ENTREP2: variants seen among roughly 807,000 people sequenced by gnomAD.
ENTREP2 encodes endosomal transmembrane epsin interactor 2.
the ENTREP2 span, among the ~76,000 whole-genome samples, chr15:29,490,214 G>A: frequency 1.5e-3 from 235 of 152,214 alleles, 1 homozygote; most frequent in Non-Finnish European, 2.5e-3. Context: ...TGTGGTGTTC[G>A]GACATGTTGG....
the ENTREP2 span, among the ~76,000 whole-genome samples, chr15:29,132,775 G>A: frequency 6.6e-6 from 1 of 152,214 alleles, no homozygotes; most frequent in Non-Finnish European, 1.5e-5. Flanking sequence ...AGGTCCAGAA[G>A]CTACTTCCAG....
At chr15:29,644,531 G>A in the ENTREP2 span, among the ~76,000 whole-genome samples, 10 of 152,238 alleles carry the variant, frequency 6.6e-5, no homozygotes, top group African/African-American at 2.4e-4. Flanking sequence ...GGCCGGGCGC[G>A]GTGGCCCACG....
At chr15:29,658,026 C>T in the ENTREP2 span, among the ~76,000 whole-genome samples, 1 of 152,206 alleles carries the variant, frequency 6.6e-6, no homozygotes, top group African/African-American at 2.4e-5. Context: ...ATGGGAAAAA[C>T]GTTAAAACAA....
the ENTREP2 span, among the ~76,000 whole-genome samples, chr15:29,542,111 C>T: frequency 6.6e-6 from 1 of 152,190 alleles, no homozygotes; most frequent in East Asian, 1.9e-4. Flanking sequence ...CAGGTTCAAG[C>T]AATTCTCCTG....
At chr15:29,608,554 TTTA>T in the ENTREP2 span, among the ~76,000 whole-genome samples, 3 of 140,628 alleles carry the variant, frequency 2.1e-5, no homozygotes, top group African/African-American at 7.9e-5. Context: ...TTATTATTTA[TTTA>T]TTATTATTAT....
At chr15:29,635,190 A>G in the ENTREP2 span, among the ~76,000 whole-genome samples, 7 of 152,226 alleles carry the variant, frequency 4.6e-5, no homozygotes, top group Admixed American at 6.5e-5. Context: ...ACCACTGGCC[A>G]TTGGTGATCA....
the ENTREP2 span, among the ~76,000 whole-genome samples, chr15:29,212,720 T>A: frequency 6.6e-6 from 1 of 152,216 alleles, no homozygotes; most frequent in Non-Finnish European, 1.5e-5. Flanking sequence ...ATTTTTTAAT[T>A]TCCATCTTGA....
the ENTREP2 span, among the ~76,000 whole-genome samples, chr15:29,176,803 TCTC>T: frequency 6.6e-6 from 1 of 152,200 alleles, no homozygotes; most frequent in Admixed American, 6.5e-5. Context: ...TTAATGCCCT[TCTC>T]CTCCTACTCT....
chr15:29,472,426 ACAAC>A, the ENTREP2 span, among the ~76,000 whole-genome samples: 1 of 115,980 alleles, frequency 8.6e-6, no homozygotes, highest in South Asian at 3.1e-4. Context: ...CACACAACAC[ACAAC>A]ACACACACAC....
At chr15:29,471,356 G>A in the ENTREP2 span, among the ~76,000 whole-genome samples, 3 of 152,344 alleles carry the variant, frequency 2.0e-5, no homozygotes, top group East Asian at 1.9e-4. Context: ...ACCACACAGC[G>A]GCCCCTCGAG....
the ENTREP2 span, among the ~76,000 whole-genome samples, chr15:29,639,398 C>T: frequency 6.6e-6 from 1 of 152,116 alleles, no homozygotes; most frequent in African/African-American, 2.4e-5. Context: ...GTGATTGAAG[C>T]ATTTATGCAA....
the ENTREP2 span, chr15:29,123,252 G>A: frequency 3.5e-5 from 47 of 1,362,102 alleles, no homozygotes; most frequent in Middle Eastern, 7.5e-4. Flanking sequence ...AGCTGGGCCT[G>A]AAGGCCTCTT....
the ENTREP2 span, among the ~76,000 whole-genome samples, chr15:29,433,099 G>A: frequency 1.3e-5 from 2 of 152,162 alleles, no homozygotes; most frequent in South Asian, 2.1e-4. Flanking sequence ...CATGAGCCAA[G>A]GAACCTGCCT....
the ENTREP2 span, among the ~76,000 whole-genome samples, chr15:29,423,529 T>G: frequency 6.6e-6 from 1 of 151,914 alleles, no homozygotes; most frequent in Admixed American, 6.6e-5. Context: ...GGCTCACGTC[T>G]GTAATCCCAG....
the ENTREP2 span, among the ~76,000 whole-genome samples, chr15:29,330,472 C>T: frequency 6.6e-6 from 1 of 151,870 alleles, no homozygotes; most frequent in Admixed American, 6.6e-5. Flanking sequence ...AAATAATGGT[C>T]TTTACCTCTC....
chr15:29,190,211 C>T, the ENTREP2 span, among the ~76,000 whole-genome samples: 1 of 152,178 alleles, frequency 6.6e-6, no homozygotes, highest in South Asian at 2.1e-4. Flanking sequence ...CCCTCTGGCT[C>T]TACAATTCTG....
chr15:29,173,202 G>GGC, the ENTREP2 span, among the ~76,000 whole-genome samples: 12 of 152,184 alleles, frequency 7.9e-5, no homozygotes, highest in African/African-American at 2.4e-4. Context: ...GGAATGGGCG[G>GGC]GGCAGGGTGC....
chr15:29,409,094 T>C, the ENTREP2 span, among the ~76,000 whole-genome samples: 1 of 152,226 alleles, frequency 6.6e-6, no homozygotes, highest in Non-Finnish European at 1.5e-5. Flanking sequence ...TAGCTTCCAA[T>C]GCTTAGGAAT....
the ENTREP2 span, among the ~76,000 whole-genome samples, chr15:29,482,580 G>A: frequency 6.6e-6 from 1 of 152,036 alleles, no homozygotes; most frequent in African/African-American, 2.4e-5. Flanking sequence ...TCATATCTTG[G>A]GAATCACAGC....
Sources: allele counts gnomAD v4.1 joint callset (sites outside exome capture counted in the v4.1 genomes callset), GRCh38; gene constraint gnomAD v4.1.1; transcripts MANE v1.5; gene names NCBI Gene and HGNC (gene_info 2026-07-23, HGNC 2026-07-21).